Variants in ZNF730 observed in about 807,000 individuals in gnomAD.
ZNF730 encodes the protein putative zinc finger protein 730.
ZNF730 carries 12 observed loss-of-function variants against 12.6 expected under a neutral mutation model. The ratio of observed to expected loss-of-function variants is 0.95; its 90% CI spans 0.61 to 1.54. The LOEUF is 1.54. Ranked by LOEUF, ZNF730 falls within the 40% of genes most tolerant of loss-of-function variation. The pLI is 0.00. For synonymous variants in ZNF730, 194 were observed against 195.8 expected, an observed-to-expected ratio of 0.99 and a Z score of 0.08; for missense variants, 643 against 583.5, an observed-to-expected ratio of 1.10 and a Z score of -1.05.
upstream of ZNF730, among the ~76,000 whole-genome samples, chr19:23,116,728 TTTTGA>T (rs1970531700): frequency 6.6e-6 from 1 of 152,168 alleles, no homozygotes; most frequent in South Asian, 2.1e-4. Flanking sequence ...GTCTATGTTC[TTTTGA>T]TTTGTGAATA....
At position 23,082,695 on chromosome 19, in the gene ZNF730, A is replaced by G. The variant is rs1599564624; in HGVS notation, c.-94+7308A>G. Among the ~76,000 whole-genome samples, 5 of 150,464 alleles carry G rather than the reference A, an allele frequency of 3.3e-5. No homozygotes were observed. In the Admixed American group the frequency reaches 3.3e-4, roughly 10 times the overall value. ...GTATTGTATTGTGTATGTATACCACATTTTCTTTTTTCATTTTTTTTTTGA... is the reference window on the plus strand; with the variant it reads ...GTATTGTATTGTGTATGTATACCACGTTTTCTTTTTTCATTTTTTTTTTGA... On this transcript the variant is annotated intron_variant, in intron 1 of 2. Coordinates refer to the ZNF730 transcript ENST00000593635.
Position 23,134,133 on chromosome 19 carries a change from A to C in ZNF730, c.57A>C (p.Gln19His). The change falls in exon 2 of 4, where the codon CAA becomes CAC. Residue 19 changes from glutamine to histidine, a missense_variant. Physicochemically the swap from Gln to His is conservative, Grantham distance 24. Coordinates refer to ENST00000597761, the MANE Select transcript of ZNF730 (RefSeq NM_001277403.2). ...TAGAATTCTCTCTGGAGGAGTGGCA[A>C]TGTCTGGACACCGAACAACAGAATT... ...VAIEFSLEEW[Q>H]CLDTEQQNLY... The C allele has an allele frequency of 6.2e-7, 1 of 1,613,398 alleles. No individual in the cohort carries two copies. Among genetic ancestry groups the C allele is most frequent in the Non-Finnish European group, 8.5e-7 (1 of 1,179,682 alleles).
chr19:23,094,356 C>CTCTATCTATCTA (rs78556330), intron 1 of ZNF730, among the ~76,000 whole-genome samples: 545 of 148,836 alleles, frequency 3.7e-3, no homozygotes, highest in African/African-American at 9.0e-3. Flanking sequence ...CCATGCCTGG[C>CTCTATCTATCTA]TCTATCTATC....
chr19:23,085,487 C>T (rs1473957263), intron 1 of ZNF730, among the ~76,000 whole-genome samples: 1 of 142,680 alleles, frequency 7.0e-6, no homozygotes, highest in Non-Finnish European at 1.5e-5. Context: ...CATGAGCCAC[C>T]ATGCCCGTCT....
chr19:23,133,617 C>CA (rs1334009137), intron 1 of ZNF730, among the ~76,000 whole-genome samples: 1 of 152,186 alleles, frequency 6.6e-6, no homozygotes, highest in African/African-American at 2.4e-5. Flanking sequence ...GCTGGGATTA[C>CA]AGGCATGAGC....
chr19:23,114,528 A>G (rs945802686), upstream of ZNF730, among the ~76,000 whole-genome samples: 1 of 131,732 alleles, frequency 7.6e-6, no homozygotes, highest in Non-Finnish European at 1.7e-5. Flanking sequence ...ATTTATTTTT[A>G]TTTTTAGTAG....
intron 1 of ZNF730, among the ~76,000 whole-genome samples, chr19:23,084,000 A>G (rs946297428): frequency 3.3e-5 from 5 of 152,082 alleles, no homozygotes; most frequent in Admixed American, 2.0e-4. Flanking sequence ...TTCCCAGTCT[A>G]ATGTTTTAAA....
At chr19:23,083,170 A>C (rs537363537) in intron 1 of ZNF730, among the ~76,000 whole-genome samples, 1 of 152,192 alleles carries the variant, frequency 6.6e-6, no homozygotes, top group South Asian at 2.1e-4. Flanking sequence ...TCACATCTGT[A>C]ATTCCAGCAC....
At position 23,117,129 on chromosome 19, in the gene ZNF730, G is replaced by A; in HGVS notation, c.-45G>A. The A allele has an allele frequency of 6.2e-7, 1 of 1,613,578 alleles. No homozygotes were observed. The highest frequency in any genetic ancestry group is 1.3e-5 in the African/African-American group (1 of 75,052). On this transcript the variant is annotated 5_prime_UTR_variant, in exon 1 of 4. Coordinates refer to ENST00000597761, the MANE Select transcript of ZNF730 (RefSeq NM_001277403.2). ...TGTGGCCCTGCGACCTGCGGGTATTGGGAGATCCACAGCTAAGACGCCAGG... is the reference window on the plus strand; with the variant it reads ...TGTGGCCCTGCGACCTGCGGGTATTAGGAGATCCACAGCTAAGACGCCAGG...
In ZNF730 at chr19:23,134,075, T is replaced by A. The variant is rs752007487; in HGVS notation, c.4-5T>A. 6.2e-7 allele frequency: 1 copy of A among 1,612,890 alleles called. No homozygotes were observed. The highest frequency in any genetic ancestry group is 8.5e-7 in the Non-Finnish European group (1 of 1,179,376). ...TAAATATGTGTGTTTGTTTGTGTTTTTCAGGGAGCGTTGACATTTAGAGAT... is the reference window on the plus strand; with the variant it reads ...TAAATATGTGTGTTTGTTTGTGTTTATCAGGGAGCGTTGACATTTAGAGAT... On this transcript the variant is annotated splice_region_variant and splice_polypyrimidine_tract_variant and intron_variant, in intron 1 of 3. Transcript: ENST00000597761.
At chr19:23,107,562 C>G (rs942636874) in intron 1 of ZNF730, among the ~76,000 whole-genome samples, 1 of 149,550 alleles carries the variant, frequency 6.7e-6, no homozygotes, top group Admixed American at 6.7e-5. Context: ...CTCTTGAGCT[C>G]AAGCAGTTTG....
chr19:23,116,324 C>CT (rs1310267923), upstream of ZNF730, among the ~76,000 whole-genome samples: 157 of 25,030 alleles, frequency 6.3e-3, 2 homozygotes, highest in East Asian at 0.22. Context: ...CTTTTCTTTT[C>CT]TTTCTTTCTT....
At chr19:23,110,780 G>T (rs1019014463) in intron 1 of ZNF730, among the ~76,000 whole-genome samples, 8 of 152,232 alleles carry the variant, frequency 5.3e-5, no homozygotes, top group African/African-American at 1.9e-4. Flanking sequence ...GAATCCTAAT[G>T]AAGAGATTGA....
intron 1 of ZNF730, among the ~76,000 whole-genome samples, chr19:23,082,638 C>T (rs912632460): frequency 1.3e-5 from 2 of 152,058 alleles, no homozygotes; most frequent in East Asian, 1.9e-4. Context: ...TGAGCCACAG[C>T]GCCTGGCATA....
At chr19:23,082,647 T>C (rs1568299121) in intron 1 of ZNF730, among the ~76,000 whole-genome samples, 1 of 152,124 alleles carries the variant, frequency 6.6e-6, no homozygotes, top group Non-Finnish European at 1.5e-5. Flanking sequence ...GCGCCTGGCA[T>C]AATTTTTTTT....
At position 23,145,939 on chromosome 19, in the gene ZNF730, C is replaced by T; in HGVS notation, c.895C>T (p.Leu299Phe). 6.2e-7 allele frequency: 1 copy of T among 1,608,396 alleles called. No homozygotes were observed. The highest frequency in any genetic ancestry group is 8.5e-7 in the Non-Finnish European group (1 of 1,178,804). The change falls in exon 4 of 4, where the codon CTT becomes TTT. Residue 299 changes from leucine to phenylalanine, a missense_variant. By Grantham distance (22) the Leu-to-Phe change is conservative. Coordinates refer to ENST00000597761, the MANE Select transcript of ZNF730 (RefSeq NM_001277403.2). ...CAAAGCCTTTAACCAGTCCTCAAACCTTACTGAACATAAGAAAATTCATAC... is the reference window on the plus strand; with the variant it reads ...CAAAGCCTTTAACCAGTCCTCAAACTTTACTGAACATAAGAAAATTCATAC... ...CGKAFNQSSN[L>F]TEHKKIHTKE... is the part of the protein sequence containing the mutation.
intron 1 of ZNF730, among the ~76,000 whole-genome samples, chr19:23,130,800 A>G (rs1970735382): frequency 6.6e-6 from 1 of 152,138 alleles, no homozygotes; most frequent in African/African-American, 2.4e-5. Flanking sequence ...CAAAACTGGA[A>G]ATATCCCCAT....
chr19:23,127,040 A>AT (rs1970679931), intron 1 of ZNF730: 1 of 518,232 alleles, frequency 1.9e-6, no homozygotes, highest in African/African-American at 1.9e-5. Flanking sequence ...TTCCTAAAGC[A>AT]TATAATGAAG....
In ZNF730 at chr19:23,126,509, G is replaced by A. The variant is rs551565543; in HGVS notation, c.4-7571G>A. 7.7e-6 allele frequency: 3 copies of A among 389,250 alleles called. No homozygotes were observed. The Admixed American group carries it at 1.0e-4, about 13-fold the overall frequency. 24.1% of individuals were successfully genotyped at this position (389,250 alleles called of 1,614,324 possible). A position where few individuals can be genotyped will look rare whatever the true frequency, so the allele number is the denominator to read the frequency against. On this transcript the variant is annotated intron_variant, in intron 1 of 3. Coordinates refer to ENST00000597761, the MANE Select transcript of ZNF730 (RefSeq NM_001277403.2). ...GAGCATAAATGCGTAACATCATTAAGAAAACAAAAATAAAATTTGAAGGAA... is the reference window on the plus strand; with the variant it reads ...GAGCATAAATGCGTAACATCATTAAAAAAACAAAAATAAAATTTGAAGGAA...
Sources: allele counts gnomAD v4.1 joint callset (sites outside exome capture counted in the v4.1 genomes callset), GRCh38; gene constraint gnomAD v4.1.1; transcripts MANE v1.5; gene names NCBI Gene and HGNC (gene_info 2026-07-23, HGNC 2026-07-21).